THPO: variants seen among roughly 807,000 people sequenced by gnomAD.
THPO encodes thrombopoietin.
THPO carries 12 observed loss-of-function variants against 17.0 expected under a neutral mutation model. The ratio of observed to expected loss-of-function variants is 0.71; its 90% CI spans 0.45 to 1.14. THPO has a LOEUF of 1.14. THPO is among the 50% of genes most tolerant of loss of function. The probability of loss-of-function intolerance (pLI) is 0.00; values close to 1 mark genes in which losing one functional copy is unlikely to be tolerated. For missense variants in THPO, 365 were observed against 427.5 expected (o/e 0.85, Z 1.29); for synonymous variants, 188 against 183.0 (o/e 1.03, Z -0.22).
intron 1 of THPO, among the ~76,000 whole-genome samples, chr3:184,377,078 T>C (rs965755543): frequency 2.6e-5 from 4 of 151,836 alleles, no homozygotes; most frequent in African/African-American, 9.7e-5. Context: ...GAAAGTATTG[T>C]GGCTTCAGCC....
Position 184,373,078 on chromosome 3 carries a change from A to G in THPO, c.497T>C (p.Val166Ala), listed in dbSNP as rs1714074454. ...CCTGACGCAGAGGGTGGACCCTCCT[A>G]CAAGCATCAGGAAACGCACCTTTCC... ...LRGKVRFLML[V>A]GGSTLCVRRA... Residue 166 changes from valine to alanine, a missense_variant, in exon 6 of 6, where the codon GTA (valine) becomes GCA (alanine). Transcript: ENST00000647395. The G allele has an allele frequency of 2.5e-6, 4 of 1,613,954 alleles. No individual in the cohort carries two copies. The highest frequency in any genetic ancestry group is 1.3e-5 in the African/African-American group (1 of 75,004).
rs1560282956 is a variant in THPO, at chr3:184,373,132, A to AT, written c.442dup (p.Ile148AsnfsTer179). The AT allele has an allele frequency of 1.2e-6, 2 of 1,613,406 alleles. No individual in the cohort carries two copies. The highest frequency in any genetic ancestry group is 2.2e-5 in the South Asian group (2 of 91,078). On this transcript the variant is annotated frameshift_variant, in exon 6 of 6. Coordinates refer to ENST00000647395, the MANE Select transcript of THPO (RefSeq NM_000460.4). LOFTEE classifies it low-confidence loss of function (END_TRUNC). ...GAGCAGGTGTTGGAAGCTCAGGAAG[A>AT]TGGCATTGGGATCCTTGTGAGCTGT...
At chr3:184,378,995 G>T (rs1714727100), upstream of THPO, 1 of 358,288 alleles carries the variant, frequency 2.8e-6, no homozygotes, top group Non-Finnish European at 3.9e-6. Flanking sequence ...TAGCTCCTTT[G>T]CTTTCTTCCC....
intron 1 of THPO, among the ~76,000 whole-genome samples, 182 bp downstream of exon 1, chr3:184,377,893 C>G (rs1476069882): frequency 6.6e-6 from 1 of 152,198 alleles, no homozygotes; most frequent in Non-Finnish European, 1.5e-5. Flanking sequence ...CCTCAGAAAC[C>G]AGCACCCCAC....
chr3:184,374,342 A>C (rs902405763), intron 4 of THPO, among the ~76,000 whole-genome samples: 4 of 152,242 alleles, frequency 2.6e-5, no homozygotes, highest in African/African-American at 7.2e-5. Flanking sequence ...TCCCTGACTC[A>C]GTCCTGAAGG....
chr3:184,378,523 T>C (rs750329266), upstream of THPO: 71 of 486,470 alleles, frequency 1.5e-4, no homozygotes, highest in Non-Finnish European at 1.7e-4. Flanking sequence ...CTGGACATCA[T>C]ACCTGCTGCT....
intron 1 of THPO, among the ~76,000 whole-genome samples, chr3:184,376,854 A>AAAAAG (rs1553862295): frequency 4.0e-5 from 6 of 150,614 alleles, no homozygotes; most frequent in Non-Finnish European, 5.9e-5. Flanking sequence ...TCAAAAAAAA[A>AAAAAG]AAAGAAAGAA....
upstream of THPO, among the ~76,000 whole-genome samples, chr3:184,379,119 A>G (rs1714746459): frequency 6.6e-6 from 1 of 152,036 alleles, no homozygotes; most frequent in African/African-American, 2.4e-5. Flanking sequence ...CTCCTCCCCA[A>G]GGATGGGCAT....
chr3:184,373,223 C>T lies in THPO; in HGVS notation c.397-45G>A, dbSNP rs138499805. 1,724 of 1,604,370 alleles carry T rather than the reference C, an allele frequency of 1.1e-3. 22 individuals are homozygous for T. In the African/African-American group the frequency reaches 0.021, roughly 19 times the overall value. On this transcript the variant is annotated intron_variant, in intron 5 of 5. Transcript: ENST00000647395. ...CTGAGGCCAAACACCAGGGCCAGAT[C>T]TCAGGCCTCCCTTGTCTAAGTAGGA...
intron 2 of THPO, 37 bp downstream of exon 2, chr3:184,376,210 T>C: frequency 1.2e-6 from 2 of 1,614,070 alleles, no homozygotes; most frequent in Non-Finnish European, 8.5e-7. Context: ...TTCTGTCATG[T>C]TTCCATATGG....
At chr3:184,373,306 A>T in intron 5 of THPO, 109 bp downstream of exon 5, 1 of 1,554,122 alleles carries the variant, frequency 6.4e-7, no homozygotes, top group Non-Finnish European at 8.8e-7. Flanking sequence ...TTAGTAGATC[A>T]GCTCTTCTGC....
In THPO at chr3:184,376,247, C is replaced by A. The variant is rs1460650949; in HGVS notation, c.13G>T (p.Glu5Ter). ...CCTAGCCCCTCAGGTGTGTTCTCAC[C>A]AGTCAGCTCCATTCTGGCCGGGGTG... The part of the protein sequence containing the change: MELT[E>*]LLLVVMLLLT... Residue 5 changes from glutamate to a stop codon, truncating the protein, a stop_gained and splice_region_variant, in exon 2 of 6, where the codon GAA becomes TAA. Transcript: ENST00000647395. LOFTEE classifies it high-confidence loss of function. 6.2e-7 allele frequency: 1 copy of A among 1,614,034 alleles called. No homozygotes were observed. Among genetic ancestry groups the A allele is most frequent in the Non-Finnish European group, 8.5e-7 (1 of 1,180,022 alleles).
rs908200093 is a variant in THPO, at chr3:184,375,961, G to A, written c.68C>T (p.Pro23Leu). The change falls in exon 3 of 6, where the codon CCG becomes CTG. Residue 23 changes from proline (P) to leucine (L), a missense_variant. Transcript: ENST00000647395. Reference protein sequence around the residue: ...LLTARLTLSSPAPPACDLRVL... With the variant: ...LLTARLTLSSLAPPACDLRVL... ...TCGGAGGTCACAAGCAGGAGGAGCC[G>A]GGCTGGACAGCGTTAGCCTTGCAGT... The A allele has an allele frequency of 1.9e-6, 3 of 1,613,762 alleles. No homozygotes were observed. Among genetic ancestry groups the A allele is most frequent in the Non-Finnish European group, 2.5e-6 (3 of 1,179,954 alleles).
rs777898040 is a variant in THPO at position 184,372,062 on chromosome 3, A to T, written c.*451T>A. ...TCTCAAGAGTAAAGATCTGTTAAGA[A>T]TATGGGATCAGAGTCCCACTGAGAA... On this transcript the variant is annotated 3_prime_UTR_variant, in exon 6 of 6. Transcript: ENST00000647395. The T allele has an allele frequency of 5.3e-6, 1 of 188,618 alleles. No homozygotes were observed. The highest frequency in any genetic ancestry group is 1.1e-5 in the Non-Finnish European group (1 of 87,742). The allele number at this position is 188,618 out of a possible 1,614,324, so 11.7% of individuals were successfully genotyped here.
At chr3:184,374,783 A>G (rs1714243055) in intron 4 of THPO, among the ~76,000 whole-genome samples, 1 of 152,070 alleles carries the variant, frequency 6.6e-6, no homozygotes, top group African/African-American at 2.4e-5. Flanking sequence ...TAATTTACAC[A>G]TGTAGAATTT....
Position 184,373,402 on chromosome 3 carries a change from A to C in THPO, c.396+13T>G, listed in dbSNP as rs766016281. ...AAGAACAGTTTCTACAGATCCCTTG[A>C]CTGGGGACTTACCTGGGTTCCAAGG... On this transcript the variant is annotated intron_variant, in intron 5 of 5. Transcript: ENST00000647395. 1 of 1,613,948 alleles carries C rather than the reference A, an allele frequency of 6.2e-7. No individual in the cohort carries two copies. Among genetic ancestry groups the C allele is most frequent in the Non-Finnish European group, 8.5e-7 (1 of 1,179,928 alleles).
chr3:184,376,378 A>C lies in THPO; in HGVS notation c.-119T>G, dbSNP rs1009080100. 42 of 1,609,414 alleles carry C rather than the reference A, an allele frequency of 2.6e-5. No homozygotes were observed. In the African/African-American group the frequency reaches 4.1e-4, roughly 16 times the overall value. The stretch of plus-strand genomic sequence containing the variant: ...TTCTGGGCAGAGTAGGGTGGGGCAA[A>C]GGCGGGCCAAGGGTGAAGAATCTAT... On this transcript the variant is annotated 5_prime_UTR_variant, in exon 2 of 6. Coordinates refer to ENST00000647395, the MANE Select transcript of THPO (RefSeq NM_000460.4).
rs565338826 is a variant in THPO at position 184,373,051 on chromosome 3, C to T, written c.524G>A (p.Arg175Gln). 4.4e-5 allele frequency: 71 copies of T among 1,614,032 alleles called. No homozygotes were observed. The East Asian group carries it at 5.1e-4, about 12-fold the overall frequency. ...GGGGACAGCTGTGGTGGGTGGGGCC[C>T]GCCTGACGCAGAGGGTGGACCCTCC... ...LVGGSTLCVR[R>Q]APPTTAVPSR... Residue 175 changes from arginine (R) to glutamine (Q), a missense_variant, in exon 6 of 6, where the codon CGG (arginine) becomes CAG (glutamine). Coordinates refer to ENST00000647395, the MANE Select transcript of THPO (RefSeq NM_000460.4).
Position 184,372,240 on chromosome 3 carries a change from T to C in THPO, c.*273A>G. On this transcript the variant is annotated 3_prime_UTR_variant, in exon 6 of 6. Transcript: ENST00000647395. ...GCAGAGTTATCACAGAAAAAGAGCA[T>C]GTAGAGAATCAGTGAGTTGCAAATT... 2.2e-6 allele frequency: 1 copy of C among 448,910 alleles called. No individual in the cohort carries two copies. Among genetic ancestry groups the C allele is most frequent in the Non-Finnish European group, 4.1e-6 (1 of 243,698 alleles). 27.8% of individuals were successfully genotyped at this position (448,910 alleles called of 1,614,324 possible).
Sources: allele counts gnomAD v4.1 joint callset (sites outside exome capture counted in the v4.1 genomes callset), GRCh38; gene constraint gnomAD v4.1.1; transcripts MANE v1.5; gene names NCBI Gene and HGNC (gene_info 2026-07-23, HGNC 2026-07-21).